SYT9: variants seen among roughly 807,000 people sequenced by gnomAD.
SYT9 encodes the protein synaptotagmin 9, also known as synaptotagmin-9.
A neutral mutation model predicts 48.4 loss-of-function variants in SYT9; 22 were observed. The observed-to-expected ratio is 0.45, with a 90% CI of 0.32 to 0.65. SYT9 has a LOEUF of 0.65. Ranked by LOEUF, SYT9 falls within the 30% of genes least tolerant of loss-of-function variation. The pLI, the probability that SYT9 is intolerant of heterozygous loss-of-function variation, is 0.03. For synonymous variants in SYT9, 265 were observed against 245.0 expected (o/e 1.08, Z -0.76); for missense variants, 577 against 622.0 (o/e 0.93, Z 0.77).
intron 3 of SYT9, among the ~76,000 whole-genome samples, chr11:7,339,646 A>G (rs1382066258): frequency 6.6e-6 from 1 of 152,096 alleles, no homozygotes; most frequent in Non-Finnish European, 1.5e-5. Context: ...TCCTGGTTGA[A>G]GATTTTTTTT....
chr11:7,313,593 T>TG lies in SYT9; in HGVS notation c.697dup (p.Asp233GlyfsTer35). ...TGAACTTCATTTTAAAATATGACTG[T>TG]GACTTAGAGCAGCTCATAGTGAAGA... On this transcript the variant is annotated frameshift_variant, in exon 3 of 7. Transcript: ENST00000318881. LOFTEE classifies it high-confidence loss of function. 1 of 1,614,120 alleles carries TG rather than the reference T, an allele frequency of 6.2e-7. No homozygotes were observed.
chr11:7,298,319 G>C (rs1455313375), intron 1 of SYT9, among the ~76,000 whole-genome samples: 2 of 151,900 alleles, frequency 1.3e-5, no homozygotes, highest in African/African-American at 4.8e-5. Flanking sequence ...GATCAGATTG[G>C]ATCTCAAGGG....
chr11:7,310,726 A>G (rs945503783), intron 2 of SYT9, among the ~76,000 whole-genome samples: 5 of 152,050 alleles, frequency 3.3e-5, no homozygotes, highest in African/African-American at 1.2e-4. Flanking sequence ...GATTACAGGC[A>G]TGAGCCACTG....
intron 3 of SYT9, among the ~76,000 whole-genome samples, chr11:7,382,115 A>C (rs1248128082): frequency 6.6e-6 from 1 of 152,206 alleles, no homozygotes; most frequent in Non-Finnish European, 1.5e-5. Context: ...TAAACAAGCA[A>C]CTGAGGCTCC....
intron 3 of SYT9, among the ~76,000 whole-genome samples, chr11:7,397,391 C>T (rs564200915): frequency 1.1e-3 from 161 of 152,162 alleles, no homozygotes; most frequent in Non-Finnish European, 2.1e-3. Flanking sequence ...TATGTCTGTC[C>T]TTTTGCCAGT....
At chr11:7,307,267 A>C (rs756563862) in intron 2 of SYT9, among the ~76,000 whole-genome samples, 7 of 152,230 alleles carry the variant, frequency 4.6e-5, no homozygotes, top group Non-Finnish European at 1.0e-4. Context: ...ATGTAATTAT[A>C]CTATGAGTAG....
intron 6 of SYT9, among the ~76,000 whole-genome samples, chr11:7,424,182 T>C (rs878969371): frequency 7.2e-5 from 11 of 152,178 alleles, no homozygotes; most frequent in Non-Finnish European, 1.3e-4. Context: ...GCAGATGGAA[T>C]CTTCAAAGCC....
chr11:7,244,604 A>G (rs757632433), intron 1 of SYT9, among the ~76,000 whole-genome samples: 4 of 152,254 alleles, frequency 2.6e-5, no homozygotes, highest in Non-Finnish European at 5.9e-5. Flanking sequence ...GTTTTTGAGC[A>G]TTTGATGGGA....
chr11:7,444,067 G>A (rs894715284), intron 6 of SYT9: 1 of 152,222 alleles, frequency 6.6e-6, no homozygotes, highest in Non-Finnish European at 1.5e-5. Context: ...CCTGCAGGTC[G>A]ATGAGGGCTC....
At chr11:7,380,810 C>G (rs912219847) in intron 3 of SYT9, among the ~76,000 whole-genome samples, 1 of 151,990 alleles carries the variant, frequency 6.6e-6, no homozygotes, top group Non-Finnish European at 1.5e-5. Flanking sequence ...AACCATAAAG[C>G]CTTTTATTTT....
At chr11:7,300,609 C>G (rs1466310207) in intron 1 of SYT9, among the ~76,000 whole-genome samples, 1 of 152,228 alleles carries the variant, frequency 6.6e-6, no homozygotes, top group Non-Finnish European at 1.5e-5. Context: ...TGTGTCAGGA[C>G]AGAGCTGAAG....
intron 1 of SYT9, among the ~76,000 whole-genome samples, chr11:7,272,477 T>C (rs1848314829): frequency 6.6e-6 from 1 of 152,168 alleles, no homozygotes; most frequent in Non-Finnish European, 1.5e-5. Context: ...AGACTTTTTA[T>C]TGGTGTTTTT....
At chr11:7,362,870 C>T (rs1335983497) in intron 3 of SYT9, among the ~76,000 whole-genome samples, 2 of 150,698 alleles carry the variant, frequency 1.3e-5, no homozygotes, top group Middle Eastern at 3.2e-3. Context: ...ATTTATTTCT[C>T]CCATTTTATG....
chr11:7,334,634 C>CTCGCTGCCACCCATCCCCCCAG (rs760477407), intron 3 of SYT9, among the ~76,000 whole-genome samples: 3 of 139,936 alleles, frequency 2.1e-5, no homozygotes, highest in Non-Finnish European at 4.7e-5. Context: ...CCTGCCTCCA[C>CTCGCTGCCACCCATCCCCCCAG]TCCCTGCCAC....
chr11:7,344,400 G>A (rs1315923221), intron 3 of SYT9, among the ~76,000 whole-genome samples: 1 of 120,082 alleles, frequency 8.3e-6, no homozygotes, highest in Non-Finnish European at 1.8e-5. Flanking sequence ...TCTTAATTCT[G>A]CTCAAGTCCA....
intron 3 of SYT9, among the ~76,000 whole-genome samples, chr11:7,374,033 A>C (rs1266270128): frequency 6.6e-6 from 1 of 151,996 alleles, no homozygotes; most frequent in Non-Finnish European, 1.5e-5. Flanking sequence ...TCAACCCATC[A>C]TCTACATTAG....
intron 1 of SYT9, among the ~76,000 whole-genome samples, chr11:7,244,480 A>G (rs1847772109): frequency 6.6e-6 from 1 of 152,242 alleles, no homozygotes; most frequent in African/African-American, 2.4e-5. Context: ...TGACAGTGAT[A>G]GTCACAGAAC....
intron 3 of SYT9, among the ~76,000 whole-genome samples, chr11:7,397,965 T>G (rs1846789005): frequency 6.6e-6 from 1 of 152,248 alleles, no homozygotes; most frequent in Non-Finnish European, 1.5e-5. Context: ...ATATGTCTTT[T>G]ATTTCTATCT....
chr11:7,427,995 A>G (rs1847496693), intron 6 of SYT9: 2 of 152,220 alleles, frequency 1.3e-5, no homozygotes, highest in Admixed American at 6.5e-5. Context: ...AAACAAAGCT[A>G]GGGCCATTCA....
Sources: allele counts gnomAD v4.1 joint callset (sites outside exome capture counted in the v4.1 genomes callset), GRCh38; gene constraint gnomAD v4.1.1; transcripts MANE v1.5; gene names NCBI Gene and HGNC (gene_info 2026-07-23, HGNC 2026-07-21).